The following BLTP1 variants were observed in gnomAD, a reference collection of about 807,000 sequenced individuals.
BLTP1 encodes the protein bridge-like lipid transfer protein family member 1.
the BLTP1 span, chr4:122,201,809 C>T: frequency 3.2e-6 from 3 of 932,980 alleles, no homozygotes; most frequent in African/African-American, 3.6e-5. Flanking sequence ...CTTTGCTTGA[C>T]TGCTTGCTAC....
At chr4:122,264,189 C>T in the BLTP1 span, 10 of 1,466,456 alleles carry the variant, frequency 6.8e-6, no homozygotes, top group African/African-American at 4.3e-5. Flanking sequence ...CCCTGCTGTA[C>T]ACTTTTATGT....
chr4:122,326,480 T>C, the BLTP1 span, among the ~76,000 whole-genome samples: 5 of 151,750 alleles, frequency 3.3e-5, no homozygotes, highest in Admixed American at 6.6e-5. Flanking sequence ...CAAGCTTGAG[T>C]CTCAACATGT....
the BLTP1 span, among the ~76,000 whole-genome samples, chr4:122,335,605 A>G: frequency 6.6e-6 from 1 of 152,168 alleles, no homozygotes; most frequent in Admixed American, 6.6e-5. Flanking sequence ...CATGGCAGCT[A>G]TTAACCCCTT....
chr4:122,276,582 G>A, the BLTP1 span: 2 of 985,326 alleles, frequency 2.0e-6, no homozygotes, highest in South Asian at 9.4e-5. Context: ...CACCATCTGG[G>A]TGTGTTCTGG....
the BLTP1 span, chr4:122,250,981 G>C: frequency 1.0e-6 from 1 of 985,192 alleles, no homozygotes; most frequent in Non-Finnish European, 1.2e-6. Context: ...TCAGTTAAGA[G>C]TTCTGAATGG....
chr4:122,323,145 G>A, the BLTP1 span, among the ~76,000 whole-genome samples: 1 of 152,038 alleles, frequency 6.6e-6, no homozygotes, highest in African/African-American at 2.4e-5. Context: ...CCCCAGTGTT[G>A]GTTCCTGCAG....
At chr4:122,226,242 A>G in the BLTP1 span, 1 of 195,124 alleles carries the variant, frequency 5.1e-6, no homozygotes, top group African/African-American at 2.4e-5. Context: ...TTAAGCTTCT[A>G]TTTACATAAA....
At chr4:122,343,841 C>T in the BLTP1 span, 4 of 568,282 alleles carry the variant, frequency 7.0e-6, no homozygotes, top group Non-Finnish European at 8.9e-6. Context: ...AAGCGGTATA[C>T]ACAGCACAGT....
chr4:122,304,338 A>T, the BLTP1 span, among the ~76,000 whole-genome samples: 46 of 152,128 alleles, frequency 3.0e-4, no homozygotes, highest in African/African-American at 9.9e-4. Flanking sequence ...CAGCCTACTG[A>T]GTAGCTGGGA....
the BLTP1 span, chr4:122,153,146 AT>A: frequency 4.2e-6 from 1 of 239,506 alleles, no homozygotes; most frequent in Non-Finnish European, 6.3e-6. Context: ...TCCGGAGAGT[AT>A]TAGTTGTTGT....
chr4:122,207,578 T>C, the BLTP1 span: 1 of 1,610,626 alleles, frequency 6.2e-7, no homozygotes. Flanking sequence ...TAAACATTGA[T>C]TTTTCTTTGC....
the BLTP1 span, chr4:122,293,258 G>A: frequency 1.3e-6 from 1 of 764,564 alleles, no homozygotes; most frequent in Non-Finnish European, 1.6e-6. Context: ...AGAAGCAGCT[G>A]TAGTCCAGGA....
chr4:122,349,929 T>C, the BLTP1 span: 1 of 1,613,886 alleles, frequency 6.2e-7, no homozygotes, highest in East Asian at 2.2e-5. The surrounding 1 kb of genome is among the most constrained non-coding windows in gnomAD (Gnocchi z 4.5). Context: ...CCACACCAGA[T>C]CTGATAAAAA....
At chr4:122,294,678 T>C in the BLTP1 span, among the ~76,000 whole-genome samples, 2 of 152,216 alleles carry the variant, frequency 1.3e-5, no homozygotes, top group East Asian at 3.9e-4. Context: ...CCAAAAATGC[T>C]GAAAACTCAA....
At chr4:122,199,315 G>C in the BLTP1 span, 1 of 1,598,720 alleles carries the variant, frequency 6.3e-7, no homozygotes. Context: ...GTTTCATTTT[G>C]TAATTGTTTT....
chr4:122,201,229 A>G, the BLTP1 span: 7 of 842,032 alleles, frequency 8.3e-6, no homozygotes, highest in Middle Eastern at 2.5e-4. Flanking sequence ...GATATGATTC[A>G]TATTTTCTTC....
the BLTP1 span, among the ~76,000 whole-genome samples, chr4:122,206,900 C>T: frequency 6.6e-6 from 1 of 151,324 alleles, no homozygotes; most frequent in Non-Finnish European, 1.5e-5. Flanking sequence ...TAAAATTTCT[C>T]TTATTTGGAA....
At chr4:122,331,459 A>G in the BLTP1 span, 2 of 1,611,956 alleles carry the variant, frequency 1.2e-6, no homozygotes, top group African/African-American at 1.3e-5. Flanking sequence ...TGAACTTGAT[A>G]TACGGGTTGA....
the BLTP1 span, chr4:122,350,462 C>T: frequency 3.4e-6 from 3 of 882,912 alleles, no homozygotes; most frequent in Admixed American, 1.2e-4. Flanking sequence ...TATTAAGCTA[C>T]AACCATGTGC....
Sources: allele counts gnomAD v4.1 joint callset (sites outside exome capture counted in the v4.1 genomes callset), GRCh38; gene constraint gnomAD v4.1.1; non-coding constraint Gnocchi (gnomAD v3.1); transcripts MANE v1.5; gene names NCBI Gene and HGNC (gene_info 2026-07-23, HGNC 2026-07-21).